Variants in RORB observed in about 807,000 individuals in gnomAD.
RORB encodes the protein RAR related orphan receptor B.
In RORB, 6 loss-of-function variants were observed where a neutral mutation model predicts 59.1. The ratio of observed to expected loss-of-function variants is 0.10; its 90% CI spans 0.06 to 0.20. The LOEUF (loss-of-function observed/expected upper bound fraction) is 0.20, where lower values mean the gene tolerates loss of function less well. Among genes scored for constraint, RORB ranks in the 10% least tolerant of loss-of-function variants. The pLI is 1.00. For missense variants in RORB, 320 were observed against 560.5 expected, an observed-to-expected ratio of 0.57 and a Z score of 4.33; for synonymous variants, 215 against 204.5, an observed-to-expected ratio of 1.05 and a Z score of -0.44.
At position 74,686,654 on chromosome 9, in the gene RORB, GT is replaced by G. The variant is rs1824651630; in HGVS notation, c.*1038del. ...CTACCAGCAATTTTTTTCTAGGAAAGTTAAAAGAATAAATCAGAACCCAGGG... is the reference window on the plus strand; with the variant it reads ...CTACCAGCAATTTTTTTCTAGGAAAGTAAAAGAATAAATCAGAACCCAGGG... On this transcript the variant is annotated 3_prime_UTR_variant, in exon 10 of 10. Coordinates refer to ENST00000376896, the MANE Select transcript of RORB (RefSeq NM_006914.4). The G allele has an allele frequency of 6.6e-6, 1 of 152,314 alleles. No individual in the cohort carries two copies. Among genetic ancestry groups the G allele is most frequent in the Non-Finnish European group, 1.5e-5 (1 of 67,990 alleles). 9.4% of individuals were successfully genotyped at this position (152,314 alleles called of 1,614,324 possible).
chr9:74,623,154 A>G (rs573724242), intron 1 of RORB, among the ~76,000 whole-genome samples: 3 of 152,350 alleles, frequency 2.0e-5, no homozygotes, highest in Admixed American at 2.0e-4. Context: ...TTTTTAAAAT[A>G]GAAAAACTGT....
At chr9:74,623,228 G>A (rs1372446143) in intron 1 of RORB, among the ~76,000 whole-genome samples, 2 of 152,168 alleles carry the variant, frequency 1.3e-5, no homozygotes, top group African/African-American at 4.8e-5. Context: ...CAAGCTAGTA[G>A]CCACAACCGC....
chr9:74,545,948 G>A lies in RORB; in HGVS notation c.7+47965G>A, dbSNP rs145767891. ...TAGCCATCTAACAAAATGCAAAGGC[G>A]TAAAAATAAAAGGAATCTAACTGGC... On this transcript the variant is annotated intron_variant, in intron 1 of 9. Coordinates refer to ENST00000376896, the MANE Select transcript of RORB (RefSeq NM_006914.4). 1.1e-3 allele frequency among the ~76,000 whole-genome samples: 165 copies of A among 152,260 alleles called. 1 individual carries two copies. The highest frequency in any genetic ancestry group is 3.7e-3 in the African/African-American group (153 of 41,552).
rs1429068813 is a variant in RORB at position 74,688,507 on chromosome 9, T to G, written c.*2889T>G. On this transcript the variant is annotated 3_prime_UTR_variant, in exon 10 of 10. Transcript: ENST00000376896. ...GGAAGAAAAAATCCACAATCTGGGC[T>G]TCTCACTTCGTGCTTCATAAATGAC... The G allele has an allele frequency of 6.6e-6, 1 of 152,134 alleles. No individual in the cohort carries two copies. The highest frequency in any genetic ancestry group is 1.5e-5 in the Non-Finnish European group (1 of 68,030). 9.4% of individuals were successfully genotyped at this position (152,134 alleles called of 1,614,324 possible).
intron 4 of RORB, among the ~76,000 whole-genome samples, chr9:74,654,415 C>A (rs1824048278): frequency 6.7e-6 from 1 of 149,546 alleles, no homozygotes; most frequent in South Asian, 2.1e-4. Flanking sequence ...AGATACAGTC[C>A]ATTTGGAAAT....
intron 9 of RORB, among the ~76,000 whole-genome samples, chr9:74,675,748 G>A (rs925702226): frequency 6.6e-6 from 1 of 152,192 alleles, no homozygotes; most frequent in African/African-American, 2.4e-5. Flanking sequence ...CAGTCTTCCA[G>A]GAGGAGCTCC....
intron 1 of RORB, among the ~76,000 whole-genome samples, chr9:74,621,724 T>C (rs1361470686): frequency 6.6e-6 from 1 of 152,204 alleles, no homozygotes; most frequent in Non-Finnish European, 1.5e-5. Context: ...AAACATTCCA[T>C]TTGTTCTGTA....
At chr9:74,604,318 G>T (rs1270170829) in intron 1 of RORB, among the ~76,000 whole-genome samples, 2 of 152,140 alleles carry the variant, frequency 1.3e-5, no homozygotes, top group African/African-American at 2.4e-5. Context: ...CAGAAAATCA[G>T]AATAAGCACT....
intron 1 of RORB, among the ~76,000 whole-genome samples, chr9:74,564,379 T>C (rs1424633676): frequency 6.6e-6 from 1 of 152,244 alleles, no homozygotes; most frequent in Non-Finnish European, 1.5e-5. Context: ...AAAGTAATAA[T>C]GCCTATGCCT....
intron 3 of RORB, among the ~76,000 whole-genome samples, chr9:74,635,852 G>T (rs948126290): frequency 6.6e-6 from 1 of 151,020 alleles, no homozygotes; most frequent in Non-Finnish European, 1.5e-5. Flanking sequence ...CATACATTTA[G>T]TATAAAGGGA....
chr9:74,681,467 G>A (rs1439919382), intron 9 of RORB, among the ~76,000 whole-genome samples: 10 of 152,198 alleles, frequency 6.6e-5, no homozygotes, highest in Admixed American at 6.5e-4. Context: ...CAAGAGCATG[G>A]ACGCTGGGAG....
intron 1 of RORB, among the ~76,000 whole-genome samples, chr9:74,538,948 G>A (rs1826363524): frequency 1.3e-5 from 2 of 152,058 alleles, no homozygotes; most frequent in African/African-American, 2.4e-5. Context: ...CCTTGAAGAA[G>A]ATAGTGGCAG....
intron 1 of RORB, among the ~76,000 whole-genome samples, chr9:74,530,062 G>A (rs939528282): frequency 2.0e-5 from 3 of 151,926 alleles, no homozygotes; most frequent in Non-Finnish European, 4.4e-5. Flanking sequence ...AGCACTTCAT[G>A]TTTCTTCTGA....
intron 1 of RORB, among the ~76,000 whole-genome samples, chr9:74,592,251 G>A (rs760183500): frequency 6.6e-6 from 1 of 152,174 alleles, no homozygotes; most frequent in Non-Finnish European, 1.5e-5. Flanking sequence ...AGTACCTAGA[G>A]TGGAAGGATT....
chr9:74,539,235 G>C (rs1278629221), intron 1 of RORB, among the ~76,000 whole-genome samples: 4 of 152,092 alleles, frequency 2.6e-5, no homozygotes, highest in Non-Finnish European at 1.5e-5. Flanking sequence ...AAAATTGTAA[G>C]CAAACATCAG....
chr9:74,545,003 C>A (rs371808757), intron 1 of RORB, among the ~76,000 whole-genome samples: 6 of 151,946 alleles, frequency 3.9e-5, no homozygotes, highest in Non-Finnish European at 2.9e-5. Flanking sequence ...GATATTGCAG[C>A]GCTTGAATAT....
At chr9:74,556,639 G>A (rs920732591) in intron 1 of RORB, among the ~76,000 whole-genome samples, 4 of 152,134 alleles carry the variant, frequency 2.6e-5, no homozygotes, top group Non-Finnish European at 4.4e-5. Context: ...CTGGGTCATA[G>A]CAATTGGCTG....
intron 1 of RORB, among the ~76,000 whole-genome samples, chr9:74,580,401 A>T (rs1822704737): frequency 6.6e-6 from 1 of 152,174 alleles, no homozygotes; most frequent in Non-Finnish European, 1.5e-5. Flanking sequence ...CAAGAAAGTG[A>T]AATTATTCTA....
At chr9:74,658,004 CAAAA>C (rs60719147) in intron 4 of RORB, among the ~76,000 whole-genome samples, 1 of 97,826 alleles carries the variant, frequency 1.0e-5, no homozygotes, top group Non-Finnish European at 1.9e-5. Context: ...GACTCGGTCT[CAAAA>C]AAAAAAAAAA....
Sources: gnomAD v4.1 joint callset for allele counts (sites outside exome capture counted in the v4.1 genomes callset) on GRCh38, gnomAD v4.1.1 for gene constraint, MANE v1.5 for transcripts, NCBI Gene and HGNC (gene_info 2026-07-23, HGNC 2026-07-21) for gene names.